Variants in DHX40 observed in about 807,000 individuals in gnomAD.
The protein encoded by DHX40 is probable ATP-dependent RNA helicase DHX40.
In DHX40, 28 loss-of-function variants were observed where a neutral mutation model predicts 89.6. The observed-to-expected ratio is 0.31, with a 90% CI of 0.23 to 0.43. The LOEUF (loss-of-function observed/expected upper bound fraction) is 0.43, where lower values mean the gene tolerates loss of function less well. Among genes scored for constraint, DHX40 ranks in the 20% least tolerant of loss-of-function variants. The pLI is 1.00. For missense variants in DHX40, 457 were observed against 844.0 expected, an observed-to-expected ratio of 0.54 and a Z score of 5.68; for synonymous variants, 226 against 283.6, an observed-to-expected ratio of 0.80 and a Z score of 2.04.
Position 59,607,877 on chromosome 17 carries a change from G to GATATATATATATATGAT in DHX40, c.*720_*736dup, listed in dbSNP as rs2030955396. ...TATAGCCATTAACCAAAGGACAGAT[G>GATATATATATATATGAT]ATATATATATATATGATATATATAT... On this transcript the variant is annotated 3_prime_UTR_variant, in exon 18 of 18. Transcript: ENST00000251241. 2 of 148,348 alleles carry GATATATATATATATGAT rather than the reference G, an allele frequency of 1.3e-5. No individual in the cohort carries two copies. Among genetic ancestry groups the GATATATATATATATGAT allele is most frequent in the African/African-American group, 4.9e-5 (2 of 40,438 alleles). 9.2% of individuals were successfully genotyped at this position (148,348 alleles called of 1,614,324 possible).
chr17:59,570,793 C>T lies in DHX40; in HGVS notation c.426+130C>T, dbSNP rs543246597. On this transcript the variant is annotated intron_variant, in intron 3 of 17. Coordinates refer to ENST00000251241, the MANE Select transcript of DHX40 (RefSeq NM_024612.5). The stretch of plus-strand genomic sequence containing the variant: ...CTACCTTCTGGGCTCAAGTGATCTC[C>T]TACCTCAGCCCCTTGGGTAGCTGGG... 4 of 862,850 alleles carry T rather than the reference C, an allele frequency of 4.6e-6. No individual in the cohort carries two copies. In the South Asian group the frequency reaches 7.3e-5, roughly 16 times the overall value. The allele number at this position is 862,850 out of a possible 1,614,324, so 53.4% of individuals were successfully genotyped here.
intron 2 of DHX40, among the ~76,000 whole-genome samples, chr17:59,570,140 T>TAG (rs1351099579): frequency 7.9e-6 from 1 of 126,796 alleles, no homozygotes. Flanking sequence ...ATATAATATA[T>TAG]TATAAATTAT....
At position 59,573,801 on chromosome 17, in the gene DHX40, A is replaced by G. The variant is rs184751983; in HGVS notation, c.608A>G (p.His203Arg). Residue 203 changes from histidine to arginine, a missense_variant, in exon 5 of 18, where the codon CAT (histidine) becomes CGT (arginine). His to Arg is a conservative substitution (Grantham distance 29). Around this residue, in one of 9 missense-constraint regions of DHX40, gnomAD observed 116 missense variants for 188.9 expected, o/e 0.61. Coordinates refer to ENST00000251241, the MANE Select transcript of DHX40 (RefSeq NM_024612.5). ...GAGAAGTCTCCTAATAGGAAGGAGC[A>G]TTTAAAAGTGGTGGTAATGTCAGCA... ...FQEKSPNRKE[H>R]LKVVVMSATM... The G allele has an allele frequency of 2.5e-6, 4 of 1,613,846 alleles. No individual in the cohort carries two copies. The highest frequency in any genetic ancestry group is 3.4e-6 in the Non-Finnish European group (4 of 1,179,866).
rs2030972776 is a variant in DHX40 at position 59,608,311 on chromosome 17, TTAAA to T, written c.*1144_*1147del. ...GCACATAGTAGTCACTCAGTGTTTGTTAAATAAAGCTATTAGTGTCATTAAAATT... is the reference window on the plus strand; with the variant it reads ...GCACATAGTAGTCACTCAGTGTTTGTTAAAGCTATTAGTGTCATTAAAATT... On this transcript the variant is annotated 3_prime_UTR_variant, in exon 18 of 18. Transcript: ENST00000251241. 6.5e-6 allele frequency: 1 copy of T among 152,682 alleles called. No individual in the cohort carries two copies. The highest frequency in any genetic ancestry group is 2.1e-4 in the South Asian group (1 of 4,836). 9.5% of individuals were successfully genotyped at this position (152,682 alleles called of 1,614,324 possible).
chr17:59,592,170 C>G (rs533267434), intron 12 of DHX40, among the ~76,000 whole-genome samples: 38 of 151,710 alleles, frequency 2.5e-4, no homozygotes, highest in African/African-American at 8.9e-4. Context: ...TATGCCCGGC[C>G]TAAAGTTTGG....
At position 59,565,841 on chromosome 17, in the gene DHX40, G is replaced by C. The variant is rs544788287; in HGVS notation, c.112+58G>C. Reference sequence around the variant, plus strand: ...GGAGTTACGGCGTGGGGGTTTTGGTGGGGGGATGAAAGTACGCCTTTGGCA... The same window carrying C: ...GGAGTTACGGCGTGGGGGTTTTGGTCGGGGGATGAAAGTACGCCTTTGGCA... On this transcript the variant is annotated intron_variant, in intron 1 of 17. Transcript: ENST00000251241. 7.3e-5 allele frequency: 105 copies of C among 1,437,496 alleles called. No individual in the cohort carries two copies. In the East Asian group the frequency reaches 2.2e-3, roughly 31 times the overall value. The allele number at this position is 1,437,496 out of a possible 1,614,324, so 89.0% of individuals were successfully genotyped here. A position where few individuals can be genotyped will look rare whatever the true frequency, so the allele number is the denominator to read the frequency against.
chr17:59,605,078 T>C (rs1173211978), intron 15 of DHX40, 37 bp from the exon 16 acceptor site: 4 of 1,559,518 alleles, frequency 2.6e-6, no homozygotes, highest in Non-Finnish European at 2.7e-6. Context: ...ATTGCTTTAC[T>C]GTTGTAGTCT....
intron 14 of DHX40, 139 bp from the exon 15 acceptor site, chr17:59,602,383 A>T (rs1170851944): frequency 4.7e-6 from 3 of 642,732 alleles, no homozygotes; most frequent in Admixed American, 3.5e-5. Flanking sequence ...TTTTGGTTTC[A>T]GGTGGAAGGG....
At position 59,573,193 on chromosome 17, in the gene DHX40, T is replaced by C; in HGVS notation, c.504T>C (p.Ser168=). The change falls in exon 4 of 18, where the codon AGT becomes AGC. Residue 168 remains serine (S), a synonymous_variant. Transcript: ENST00000251241. Reference sequence around the variant, plus strand: ...GAGACCCAAATCTTACCAAATTCAGTGTCATTATTTTGGATGAAGCCCATG... The same window carrying C: ...GAGACCCAAATCTTACCAAATTCAGCGTCATTATTTTGGATGAAGCCCATG... ...ILGDPNLTKF[S]VIILDEAHER... 1 of 1,613,458 alleles carries C rather than the reference T, an allele frequency of 6.2e-7. No homozygotes were observed. Among genetic ancestry groups the C allele is most frequent in the Non-Finnish European group, 8.5e-7 (1 of 1,179,750 alleles).
At chr17:59,573,366 A>G (rs1195704952) in intron 4 of DHX40, 131 bp downstream of exon 4, 3 of 787,444 alleles carry the variant, frequency 3.8e-6, no homozygotes, top group African/African-American at 1.8e-5. Flanking sequence ...GTCTTGCTCC[A>G]TCACCCAGGC....
intron 12 of DHX40, among the ~76,000 whole-genome samples, chr17:59,596,057 A>C (rs1410819234): frequency 6.6e-6 from 1 of 152,052 alleles, no homozygotes; most frequent in East Asian, 1.9e-4. Context: ...AATCTATTAT[A>C]AAAAGTTAAA....
At chr17:59,568,343 T>C (rs151266253) in intron 2 of DHX40, among the ~76,000 whole-genome samples, 1 of 152,346 alleles carries the variant, frequency 6.6e-6, no homozygotes, top group East Asian at 1.9e-4. Flanking sequence ...TTATATTGGA[T>C]ATGATTTGCC....
At position 59,607,194 on chromosome 17, in the gene DHX40, G is replaced by A; in HGVS notation, c.*22G>A. 6.2e-7 allele frequency: 1 copy of A among 1,614,164 alleles called. No individual in the cohort carries two copies. Among genetic ancestry groups the A allele is most frequent in the Non-Finnish European group, 8.5e-7 (1 of 1,180,026 alleles). On this transcript the variant is annotated 3_prime_UTR_variant, in exon 18 of 18. Transcript: ENST00000251241. ...CTAAGGTGGTGAACCCTCCAATTCA[G>A]GAAGTGGGAAAAGGAGCCAGGAAAT...
intron 2 of DHX40, among the ~76,000 whole-genome samples, chr17:59,570,080 T>TAA (rs3064040): frequency 0.35 from 44,751 of 128,472 alleles, 9,738 homozygotes; most frequent in African/African-American, 0.6. Flanking sequence ...TAATGTATAT[T>TAA]TATATATAAT....
At chr17:59,586,665 GAA>G (rs748237437) in intron 11 of DHX40, among the ~76,000 whole-genome samples, 6 of 129,664 alleles carry the variant, frequency 4.6e-5, no homozygotes, top group African/African-American at 5.7e-5. Flanking sequence ...AACTCCATCT[GAA>G]AAAAAAAAAA....
intron 7 of DHX40, 90 bp from the exon 8 acceptor site, chr17:59,577,176 A>G (rs970250919): frequency 8.9e-7 from 1 of 1,118,308 alleles, no homozygotes; most frequent in Admixed American, 1.8e-5. Context: ...GCCTAGAAAC[A>G]TGACTTGTAA....
intron 17 of DHX40, among the ~76,000 whole-genome samples, chr17:59,606,745 C>CA (rs777660578): frequency 0.029 from 1,668 of 57,076 alleles, 11 homozygotes; most frequent in Non-Finnish European, 0.037. Flanking sequence ...GACTCCGTCT[C>CA]AAAAAAAAAA....
chr17:59,588,975 A>G, intron 12 of DHX40, among the ~76,000 whole-genome samples: 1 of 152,052 alleles, frequency 6.6e-6, no homozygotes, highest in East Asian at 1.9e-4. Flanking sequence ...TTCTTTGTTA[A>G]ATATCAGCTG....
At chr17:59,605,016 A>G in intron 15 of DHX40, 99 bp from the exon 16 acceptor site, 5 of 955,414 alleles carry the variant, frequency 5.2e-6, no homozygotes, top group Non-Finnish European at 8.3e-6. Context: ...TGCTGTTTGT[A>G]GTAGAACATA....
Sources: gnomAD v4.1 joint callset for allele counts (sites outside exome capture counted in the v4.1 genomes callset) on GRCh38, gnomAD v4.1.1 for gene constraint, gnomAD v4.1.1 regional missense constraint, MANE v1.5 for transcripts, NCBI Gene and HGNC (gene_info 2026-07-23, HGNC 2026-07-21) for gene names.